TLE4: variants seen among roughly 807,000 people sequenced by gnomAD.
TLE4 encodes the protein TLE family member 4, transcriptional corepressor, also known as transducin-like enhancer protein 4.
A neutral mutation model predicts 92.8 loss-of-function variants in TLE4; 8 were observed. The ratio of observed to expected loss-of-function variants is 0.09; its 90% CI spans 0.05 to 0.16. The LOEUF (loss-of-function observed/expected upper bound fraction) is 0.16. Ranked by LOEUF, TLE4 falls within the 10% of genes least tolerant of loss-of-function variation. The probability of loss-of-function intolerance (pLI) is 1.00; values close to 1 mark genes in which losing one functional copy is unlikely to be tolerated. For synonymous variants in TLE4, 371 were observed against 374.1 expected, an observed-to-expected ratio of 0.99 and a Z score of 0.10; for missense variants, 675 against 997.6, an observed-to-expected ratio of 0.68 and a Z score of 4.36.
rs151080779 is a variant in TLE4, at chr9:79,722,748, A to G, written c.2137+147A>G. 147 of 1,094,908 alleles carry G rather than the reference A, an allele frequency of 1.3e-4. No homozygotes were observed. In the African/African-American group the frequency reaches 2.1e-3, roughly 15 times the overall value. The allele number at this position is 1,094,908 out of a possible 1,614,324, so 67.8% of individuals were successfully genotyped here. On this transcript the variant is annotated intron_variant, in intron 18 of 19. Transcript: ENST00000376552. Reference sequence around the variant, plus strand: ...CTTCCTGATACATGCCTGCTTCCCCAACACCATGTAATTTTCTGGCATTAA... The same window carrying G: ...CTTCCTGATACATGCCTGCTTCCCCGACACCATGTAATTTTCTGGCATTAA...
intron 8 of TLE4, among the ~76,000 whole-genome samples, chr9:79,682,887 G>T (rs530337788): frequency 6.6e-6 from 1 of 152,244 alleles, no homozygotes; most frequent in African/African-American, 2.4e-5. Context: ...GATCGTTGTG[G>T]TGACAGTCTT....
At chr9:79,591,392 TTTA>T (rs1409481170) in intron 4 of TLE4, among the ~76,000 whole-genome samples, 1 of 152,158 alleles carries the variant, frequency 6.6e-6, no homozygotes, top group African/African-American at 2.4e-5. Context: ...TGTTTCCAGC[TTTA>T]TTGAGTGGTA....
At chr9:79,648,968 A>C (rs1307351806) in intron 6 of TLE4, among the ~76,000 whole-genome samples, 1 of 152,180 alleles carries the variant, frequency 6.6e-6, no homozygotes, top group Non-Finnish European at 1.5e-5. Context: ...AAGGATATAC[A>C]ACTGCTGCAT....
At chr9:79,711,613 T>A (rs933695194) in intron 14 of TLE4, among the ~76,000 whole-genome samples, 1 of 152,108 alleles carries the variant, frequency 6.6e-6, no homozygotes, top group African/African-American at 2.4e-5. Context: ...CAGCTGCTGC[T>A]TCGAGGGGCA....
intron 4 of TLE4, among the ~76,000 whole-genome samples, chr9:79,603,726 C>T (rs570229572): frequency 1.8e-4 from 28 of 152,182 alleles, no homozygotes; most frequent in African/African-American, 6.7e-4. Flanking sequence ...ACAATTGTAG[C>T]GTGCCTGCAA....
At position 79,706,799 on chromosome 9, in the gene TLE4, TAGACA is replaced by T. The variant is rs2071705465; in HGVS notation, c.842_846del (p.Lys281ThrfsTer10). ...GCACATTCCCCCAGAGAGAATGGCCTAGACAAGACACGCCTGCTCAAGAAAGATGC... is the reference window on the plus strand; with the variant it reads ...GCACATTCCCCCAGAGAGAATGGCCTAGACACGCCTGCTCAAGAAAGATGC... On this transcript the variant is annotated frameshift_variant, in exon 11 of 20. Transcript: ENST00000376552. LOFTEE classifies it high-confidence loss of function. The T allele has an allele frequency of 6.2e-7, 1 of 1,614,018 alleles. No individual in the cohort carries two copies. The highest frequency in any genetic ancestry group is 8.5e-7 in the Non-Finnish European group (1 of 1,180,024).
intron 4 of TLE4, among the ~76,000 whole-genome samples, chr9:79,602,507 C>A (rs1458667518): frequency 6.6e-6 from 1 of 152,150 alleles, no homozygotes; most frequent in Non-Finnish European, 1.5e-5. Context: ...CTAAATCTAC[C>A]CTGCCTGTGT....
At chr9:79,693,261 C>A (rs970001668) in intron 8 of TLE4, among the ~76,000 whole-genome samples, 1 of 152,086 alleles carries the variant, frequency 6.6e-6, no homozygotes, top group Non-Finnish European at 1.5e-5. Flanking sequence ...TTTCCATCTG[C>A]CTGCTAGCAT....
intron 6 of TLE4, among the ~76,000 whole-genome samples, chr9:79,634,889 C>T (rs2055305986): frequency 6.6e-6 from 1 of 152,102 alleles, no homozygotes; most frequent in African/African-American, 2.4e-5. Context: ...CTGTTCACTC[C>T]TTAAAGGACA....
At chr9:79,598,866 G>C (rs62569289) in intron 4 of TLE4, among the ~76,000 whole-genome samples, 2,815 of 152,120 alleles carry the variant, frequency 0.019, 26 homozygotes, top group African/African-American at 0.027. Context: ...AACACCTCGA[G>C]TTCAGATCAG....
At chr9:79,682,018 G>T (rs2064804457) in intron 8 of TLE4, among the ~76,000 whole-genome samples, 1 of 152,044 alleles carries the variant, frequency 6.6e-6, no homozygotes, top group African/African-American at 2.4e-5. Context: ...ACCTGTTATT[G>T]TTAAGATGTG....
chr9:79,717,477 CTG>C (rs1270545798), intron 14 of TLE4, among the ~76,000 whole-genome samples: 2 of 152,184 alleles, frequency 1.3e-5, no homozygotes, highest in African/African-American at 4.8e-5. Flanking sequence ...CTACAACGCT[CTG>C]TAGTCTGTGG....
intron 14 of TLE4, 23 bp from the exon 15 acceptor site, chr9:79,718,698 CT>C (rs1382881269): frequency 1.9e-6 from 3 of 1,592,912 alleles, no homozygotes; most frequent in Non-Finnish European, 2.6e-6. Context: ...TCCCCTCTTT[CT>C]TTTTTCCTCT....
intron 6 of TLE4, among the ~76,000 whole-genome samples, chr9:79,648,035 C>G (rs1301010207): frequency 6.6e-6 from 1 of 152,030 alleles, no homozygotes; most frequent in African/African-American, 2.4e-5. Flanking sequence ...AGATGTCTCC[C>G]TAAACAGACT....
chr9:79,713,166 G>C (rs1191773638), intron 14 of TLE4, among the ~76,000 whole-genome samples: 3 of 152,248 alleles, frequency 2.0e-5, no homozygotes, highest in African/African-American at 7.2e-5. Flanking sequence ...AGAAGGTACT[G>C]TGCGCGTGAG....
intron 5 of TLE4, among the ~76,000 whole-genome samples, chr9:79,616,386 C>G (rs148832921): frequency 7.3e-4 from 111 of 152,190 alleles, no homozygotes; most frequent in African/African-American, 2.6e-3. Context: ...GGGATTATAC[C>G]CAGGTAGCTT....
chr9:79,601,450 C>G (rs1429841080), intron 4 of TLE4: 3 of 455,652 alleles, frequency 6.6e-6, no homozygotes, highest in African/African-American at 6.0e-5. Flanking sequence ...TGTAGCAACC[C>G]TGAATGGAGC....
In TLE4 at chr9:79,590,217, C is replaced by G. The variant is rs146888450; in HGVS notation, c.252+14040C>G. Among the ~76,000 whole-genome samples the G allele has an allele frequency of 3.9e-5, 6 of 152,292 alleles. No individual in the cohort carries two copies. The East Asian group carries it at 1.2e-3, about 29-fold the overall frequency. On this transcript the variant is annotated intron_variant, in intron 4 of 19. Transcript: ENST00000376552. ...GGCTAGTGAAAAAACAATAGCAGTT[C>G]TGTAGCTGCTTGTTTGCTTGAACAT... is the stretch of plus-strand genomic sequence containing the variant.
At chr9:79,643,294 A>G (rs11138315) in intron 6 of TLE4, among the ~76,000 whole-genome samples, 28,682 of 152,196 alleles carry the variant, frequency 0.19, 3,871 homozygotes, top group African/African-American at 0.38. Flanking sequence ...GTAAAAGGCA[A>G]TCATGCTGTT....
Sources: allele counts gnomAD v4.1 joint callset (sites outside exome capture counted in the v4.1 genomes callset), GRCh38; gene constraint gnomAD v4.1.1; transcripts MANE v1.5; gene names NCBI Gene and HGNC (gene_info 2026-07-23, HGNC 2026-07-21).